Variants in COL22A1 observed in about 807,000 individuals in gnomAD.
The protein encoded by COL22A1 is collagen alpha-1(XXII) chain.
In COL22A1, 221 loss-of-function variants were observed where a neutral mutation model predicts 248.9. The ratio of observed to expected loss-of-function variants is 0.89; its 90% CI spans 0.80 to 0.99. The LOEUF is 0.99. Among genes scored for constraint, COL22A1 ranks in the 50% least tolerant of loss-of-function variants. The pLI, the probability that COL22A1 is intolerant of heterozygous loss-of-function variation, is 0.00. For synonymous variants in COL22A1, 891 were observed against 793.4 expected (o/e 1.12, Z -2.07); for missense variants, 2,240 against 2,179.0 (o/e 1.03, Z -0.56).
Position 138,602,156 on chromosome 8 carries a change from C to T in COL22A1, c.4144G>A (p.Val1382Ile). ...GEKGVPGKEG[V>I]PGKPGEPGFK... is the part of the protein sequence containing the mutation. ...CCAGGCTCTCCAGGCTTCCCAGGGA[C>T]CCCCTGCAAGGAGAAAGAAAGGACA... The change falls in exon 60 of 65, where the codon GTC (valine) becomes ATC (isoleucine). Residue 1382 changes from valine to isoleucine, a missense_variant. Coordinates refer to ENST00000303045, the MANE Select transcript of COL22A1 (RefSeq NM_152888.3). 1 of 1,614,044 alleles carries T rather than the reference C, an allele frequency of 6.2e-7. No homozygotes were observed. The highest frequency in any genetic ancestry group is 8.5e-7 in the Non-Finnish European group (1 of 1,179,986).
chr8:138,738,962 T>A (rs1356925479), intron 22 of COL22A1, among the ~76,000 whole-genome samples: 2 of 152,166 alleles, frequency 1.3e-5, no homozygotes, highest in African/African-American at 2.4e-5. Context: ...CTTCTCTCAC[T>A]GCCCAGCATA....
chr8:138,728,529 G>C (rs1216978843), intron 23 of COL22A1, among the ~76,000 whole-genome samples: 2 of 151,948 alleles, frequency 1.3e-5, no homozygotes, highest in Non-Finnish European at 2.9e-5. Context: ...CAGGAAGCCG[G>C]CCCCCTGACC....
At chr8:138,744,973 T>A (rs916518716) in intron 22 of COL22A1, among the ~76,000 whole-genome samples, 2 of 152,128 alleles carry the variant, frequency 1.3e-5, no homozygotes, top group African/African-American at 4.8e-5. Flanking sequence ...CAGAAGATAC[T>A]GAGAAAATGA....
At chr8:138,734,251 T>C (rs957226167) in intron 23 of COL22A1, among the ~76,000 whole-genome samples, 1 of 152,140 alleles carries the variant, frequency 6.6e-6, no homozygotes, top group Non-Finnish European at 1.5e-5. Flanking sequence ...AGATTTAGGG[T>C]TCAGATGAAA....
At chr8:138,636,127 AC>A (rs756354004) in intron 48 of COL22A1, among the ~76,000 whole-genome samples, 36 of 152,158 alleles carry the variant, frequency 2.4e-4, no homozygotes, top group Non-Finnish European at 4.1e-4. Flanking sequence ...CAGAAGGATA[AC>A]AGTCATTTCC....
chr8:138,603,427 G>T (rs1240157085), intron 59 of COL22A1, among the ~76,000 whole-genome samples: 1 of 152,230 alleles, frequency 6.6e-6, no homozygotes, highest in Non-Finnish European at 1.5e-5. Flanking sequence ...GTGGAAGAGT[G>T]AGGACCAAGC....
intron 32 of COL22A1, among the ~76,000 whole-genome samples, chr8:138,695,134 G>C (rs1409311658): frequency 6.6e-6 from 1 of 152,164 alleles, no homozygotes; most frequent in Non-Finnish European, 1.5e-5. Context: ...CAACCCTCCT[G>C]TTACAGCAGG....
intron 13 of COL22A1, 76 bp downstream of exon 13, chr8:138,780,851 A>G (rs1291992637): frequency 7.9e-7 from 1 of 1,262,852 alleles, no homozygotes; most frequent in Non-Finnish European, 1.2e-6. Flanking sequence ...ACCCCACTTA[A>G]GGACACGGGG....
chr8:138,719,256 A>C (rs1829683382), intron 27 of COL22A1, among the ~76,000 whole-genome samples: 1 of 152,222 alleles, frequency 6.6e-6, no homozygotes, highest in South Asian at 2.1e-4. Flanking sequence ...GGCATGAAAA[A>C]AAAACACACA....
intron 42 of COL22A1, among the ~76,000 whole-genome samples, chr8:138,662,470 C>T (rs1056669587): frequency 2.0e-5 from 3 of 152,160 alleles, no homozygotes; most frequent in African/African-American, 7.2e-5. Flanking sequence ...AAAGAAGTTT[C>T]CTTGTGCAAG....
At chr8:138,784,083 T>G (rs893490569) in intron 12 of COL22A1, among the ~76,000 whole-genome samples, 32 of 152,312 alleles carry the variant, frequency 2.1e-4, no homozygotes, top group African/African-American at 7.2e-4. Context: ...TTGCTTTCAT[T>G]TCAGCAGAGG....
At chr8:138,669,462 A>G (rs2130755750) in intron 41 of COL22A1, among the ~76,000 whole-genome samples, 1 of 152,338 alleles carries the variant, frequency 6.6e-6, no homozygotes, top group South Asian at 2.1e-4. Flanking sequence ...AGCCCAGGAC[A>G]GCCCAGCTCC....
At chr8:138,681,106 C>T (rs1373739239) in intron 39 of COL22A1, among the ~76,000 whole-genome samples, 1 of 152,170 alleles carries the variant, frequency 6.6e-6, no homozygotes, top group Non-Finnish European at 1.5e-5. Context: ...GCTGCCACCC[C>T]ACAGAGTGAT....
intron 3 of COL22A1, among the ~76,000 whole-genome samples, chr8:138,864,281 C>T (rs917194245): frequency 2.0e-5 from 3 of 151,974 alleles, no homozygotes; most frequent in Non-Finnish European, 4.4e-5. Context: ...TCTCCTGGGC[C>T]CAGGGGGCTT....
chr8:138,853,239 A>G (rs950230960), intron 3 of COL22A1, among the ~76,000 whole-genome samples: 3 of 152,212 alleles, frequency 2.0e-5, no homozygotes, highest in Non-Finnish European at 4.4e-5. Flanking sequence ...GCCCTGAATG[A>G]TGGGGCGAGG....
intron 18 of COL22A1, among the ~76,000 whole-genome samples, chr8:138,756,175 C>T (rs893662180): frequency 6.6e-5 from 10 of 152,174 alleles, no homozygotes; most frequent in African/African-American, 1.9e-4. Flanking sequence ...CCCCTGCCTG[C>T]GCCAGCCACT....
chr8:138,670,643 GC>G (rs1161048888), intron 41 of COL22A1, among the ~76,000 whole-genome samples: 2 of 152,112 alleles, frequency 1.3e-5, no homozygotes, highest in Non-Finnish European at 2.9e-5. Context: ...AGTCAATCGT[GC>G]AGGAGCAATC....
intron 2 of COL22A1, among the ~76,000 whole-genome samples, chr8:138,882,618 A>T (rs1824311954): frequency 7.3e-6 from 1 of 137,540 alleles, no homozygotes; most frequent in African/African-American, 2.8e-5. Context: ...ACTCCCACAC[A>T]CTCTTCCTCA....
intron 12 of COL22A1, among the ~76,000 whole-genome samples, chr8:138,795,490 C>T (rs1191684991): frequency 2.0e-5 from 3 of 149,042 alleles, no homozygotes; most frequent in African/African-American, 7.6e-5. Context: ...GTATTTGTCT[C>T]CATCATTAAT....
Sources: gnomAD v4.1 joint callset for allele counts (sites outside exome capture counted in the v4.1 genomes callset) on GRCh38, gnomAD v4.1.1 for gene constraint, MANE v1.5 for transcripts, NCBI Gene and HGNC (gene_info 2026-07-23, HGNC 2026-07-21) for gene names.